The following AK1 variants were observed in gnomAD, a reference collection of about 807,000 sequenced individuals.
AK1 encodes the protein adenylate kinase 1.
In AK1, 13 loss-of-function variants were observed where a neutral mutation model predicts 23.9. The ratio of observed to expected loss-of-function variants is 0.54; its 90% CI spans 0.35 to 0.86. The LOEUF (loss-of-function observed/expected upper bound fraction) is 0.86, where lower values mean the gene tolerates loss of function less well. Ranked by LOEUF, AK1 falls within the 40% of genes least tolerant of loss-of-function variation. AK1 has a pLI of 0.01. For missense variants in AK1, 214 were observed against 255.1 expected, an observed-to-expected ratio of 0.84 and a Z score of 1.10; for synonymous variants, 97 against 102.8, an observed-to-expected ratio of 0.94 and a Z score of 0.34.
upstream of AK1, chr9:127,878,411 G>T (rs930087992): frequency 2.0e-5 from 3 of 152,264 alleles, no homozygotes; most frequent in African/African-American, 7.2e-5. Context: ...GACTCCAGCC[G>T]CATCTGTGAA....
Position 127,867,920 on chromosome 9 carries a change from G to A in AK1, c.*88C>T. 1 of 1,295,828 alleles carries A rather than the reference G, an allele frequency of 7.7e-7. No homozygotes were observed. 80.3% of individuals were successfully genotyped at this position (1,295,828 alleles called of 1,614,324 possible). ...CCTCCGTCTGTGCTCAGCAGGGCAG[G>A]GTGGAGGCGCTGCGCTCAGGCCAGG... On this transcript the variant is annotated 3_prime_UTR_variant, in exon 7 of 7. Transcript: ENST00000644144.
At position 127,872,760 on chromosome 9, in the gene AK1, T is replaced by G; in HGVS notation, c.137A>C (p.Glu46Ala). The change falls in exon 4 of 7, where the codon GAG becomes GCG. Residue 46 changes from glutamate to alanine, a missense_variant. Glu to Ala is a moderately radical substitution (Grantham distance 107). Coordinates refer to ENST00000644144, the MANE Select transcript of AK1 (RefSeq NM_000476.3). ...HLSTGDLLRS[E>A]VSSGSARGKK... is the part of the protein sequence containing the mutation. The stretch of plus-strand genomic sequence containing the variant: ...GCCCCTGGCCGAGCCTGAGCTGACC[T>G]CGGACCGCAGGAGGTCCCCGGTGGA... 6.2e-7 allele frequency: 1 copy of G among 1,614,102 alleles called. No individual in the cohort carries two copies. The highest frequency in any genetic ancestry group is 8.5e-7 in the Non-Finnish European group (1 of 1,180,004).
rs780476150 is a variant in AK1, at chr9:127,868,528, A to C, written c.325-16T>G. 8.9e-6 allele frequency: 14 copies of C among 1,565,664 alleles called. No homozygotes were observed. Among genetic ancestry groups the C allele is most frequent in the Non-Finnish European group, 1.0e-5 (12 of 1,154,944 alleles). ...GCTGTCCAATCTGCAGGCGGGCACC[A>C]TGTCACAGGGACCCCATTCCTGCCC... On this transcript the variant is annotated splice_polypyrimidine_tract_variant and intron_variant, in intron 5 of 6. Transcript: ENST00000644144. The surrounding 1 kb of genome is among the most constrained non-coding windows in gnomAD (Gnocchi z 4.1).
chr9:127,870,356 C>A (rs1251043064), intron 5 of AK1, among the ~76,000 whole-genome samples: 1 of 152,156 alleles, frequency 6.6e-6, no homozygotes, highest in East Asian at 1.9e-4. Flanking sequence ...GCGCCCGCCA[C>A]CATGCCTGGC....
intron 2 of AK1, chr9:127,873,381 C>A: frequency 1.9e-6 from 3 of 1,576,960 alleles, no homozygotes; most frequent in Non-Finnish European, 2.6e-6. Context: ...GCCTGGACCC[C>A]GGGGCCGGTC....
chr9:127,872,087 G>T, intron 4 of AK1, 148 bp from the exon 5 acceptor site: 1 of 707,490 alleles, frequency 1.4e-6, no homozygotes. Flanking sequence ...AAGCTTCCTC[G>T]GAATTGTGGA....
chr9:127,874,670 T>C (rs1829496898), intron 1 of AK1, 21 bp from the exon 2 acceptor site: 5 of 1,611,270 alleles, frequency 3.1e-6, no homozygotes, highest in Admixed American at 1.7e-5. Flanking sequence ...AGGGCACAGG[T>C]TGGGGAGGGA....
intron 5 of AK1, among the ~76,000 whole-genome samples, chr9:127,870,675 G>C (rs939922999): frequency 6.6e-6 from 1 of 152,156 alleles, no homozygotes; most frequent in Non-Finnish European, 1.5e-5. Flanking sequence ...GGAAGGTGAG[G>C]GGCAGAGTGG....
rs1829263773 is a variant in AK1 at position 127,867,013 on chromosome 9, T to C, written c.*995A>G. The C allele has an allele frequency of 1.4e-5, 2 of 146,604 alleles. No individual in the cohort carries two copies. The highest frequency in any genetic ancestry group is 2.2e-4 in the South Asian group (1 of 4,546). 9.1% of individuals were successfully genotyped at this position (146,604 alleles called of 1,614,324 possible). A position where few individuals can be genotyped will look rare whatever the true frequency, so the allele number is the denominator to read the frequency against. On this transcript the variant is annotated 3_prime_UTR_variant, in exon 7 of 7. Transcript: ENST00000644144. ...GACTCCCCCAATTCAATTTCTTTTTTTTTTTTTTTTTTTTTGAGACGGAGT... is the reference window on the plus strand; with the variant it reads ...GACTCCCCCAATTCAATTTCTTTTTCTTTTTTTTTTTTTTTGAGACGGAGT...
In AK1 at chr9:127,877,299, C is replaced by G. The variant is rs1029554050; in HGVS notation, c.-33+324G>C. 1.3e-5 allele frequency among the ~76,000 whole-genome samples: 2 copies of G among 152,112 alleles called. No homozygotes were observed. Among genetic ancestry groups the G allele is most frequent in the Non-Finnish European group, 2.9e-5 (2 of 68,000 alleles). On this transcript the variant is annotated intron_variant, in intron 1 of 6. Coordinates refer to ENST00000644144, the MANE Select transcript of AK1 (RefSeq NM_000476.3). This position sits in a 1 kb window ranked among gnomAD's most constrained non-coding sequence, Gnocchi z 5.2. The stretch of plus-strand genomic sequence containing the variant: ...ACAGCTCTCCCTCTCTGGGCCCAAG[C>G]TGGGACATGCCAAGGGCAGTGACCT...
chr9:127,877,684 C>G (rs1829574148), upstream of AK1: 1 of 152,276 alleles, frequency 6.6e-6, no homozygotes, highest in Non-Finnish European at 1.5e-5. The surrounding 1 kb of genome is among the most constrained non-coding windows in gnomAD (Gnocchi z 5.2). Context: ...TCGCGGCGGC[C>G]GGCAAAGGCG....
intron 1 of AK1, among the ~76,000 whole-genome samples, chr9:127,875,221 G>T (rs1487905387): frequency 6.6e-6 from 1 of 151,942 alleles, no homozygotes; most frequent in Non-Finnish European, 1.5e-5. Context: ...TCAAAGTGAG[G>T]CGGTCCCAGG....
rs1386570572 is a variant in AK1, at chr9:127,871,146, T to C, written c.324+677A>G. On this transcript the variant is annotated intron_variant, in intron 5 of 6. Coordinates refer to ENST00000644144, the MANE Select transcript of AK1 (RefSeq NM_000476.3). This position sits in a 1 kb window ranked among gnomAD's most constrained non-coding sequence, Gnocchi z 4.4. The stretch of plus-strand genomic sequence containing the variant: ...AACTTGTGGGGCTTGTGCATGTGTA[T>C]GTGCAAGCGTCCACGTGTGTGCGTG... 6.6e-6 allele frequency among the ~76,000 whole-genome samples: 1 copy of C among 151,724 alleles called. No individual in the cohort carries two copies. The highest frequency in any genetic ancestry group is 1.9e-4 in the East Asian group (1 of 5,194).
rs1222985031 is a variant in AK1 at position 127,867,808 on chromosome 9, C to CT, written c.*199dup. 1.9e-5 allele frequency: 11 copies of CT among 588,548 alleles called. No homozygotes were observed. Among genetic ancestry groups the CT allele is most frequent in the Non-Finnish European group, 3.1e-5 (10 of 327,670 alleles). 36.5% of individuals were successfully genotyped at this position (588,548 alleles called of 1,614,324 possible). The stretch of plus-strand genomic sequence containing the variant: ...GCACAAGCACATGAATCAACTCCAA[C>CT]TGGAAGCAGAGAAAAAGCAGTAAAA... On this transcript the variant is annotated 3_prime_UTR_variant, in exon 7 of 7. Transcript: ENST00000644144.
intron 1 of AK1, among the ~76,000 whole-genome samples, chr9:127,876,575 C>A (rs1218022408): frequency 6.6e-6 from 1 of 152,160 alleles, no homozygotes; most frequent in Non-Finnish European, 1.5e-5. Flanking sequence ...TGCCAAGTGC[C>A]CCTCAGCAGC....
intron 4 of AK1, among the ~76,000 whole-genome samples, chr9:127,872,472 G>A (rs992943791): frequency 1.3e-5 from 2 of 152,192 alleles, no homozygotes; most frequent in African/African-American, 4.8e-5. Context: ...GAAGGATGGA[G>A]GGAAGGGAGA....
chr9:127,870,684 G>A (rs1181545961), intron 5 of AK1, among the ~76,000 whole-genome samples: 1 of 152,186 alleles, frequency 6.6e-6, no homozygotes, highest in Admixed American at 6.5e-5. Flanking sequence ...GGGGCAGAGT[G>A]GGGTAGACAC....
chr9:127,874,130 C>G (rs1829484373), intron 2 of AK1: 1 of 985,338 alleles, frequency 1.0e-6, no homozygotes, highest in Non-Finnish European at 1.2e-6. Flanking sequence ...ACGGATGGTG[C>G]TGCCAGCAGC....
intron 5 of AK1, among the ~76,000 whole-genome samples, chr9:127,869,864 T>C (rs928039990): frequency 7.9e-5 from 12 of 152,214 alleles, no homozygotes; most frequent in Non-Finnish European, 1.5e-4. Context: ...CAGTAGGCTC[T>C]TTACACACAC....
Sources: gnomAD v4.1 joint callset for allele counts (sites outside exome capture counted in the v4.1 genomes callset) on GRCh38, gnomAD v4.1.1 for gene constraint, Gnocchi (gnomAD v3.1) non-coding constraint, MANE v1.5 for transcripts, NCBI Gene and HGNC (gene_info 2026-07-23, HGNC 2026-07-21) for gene names.